The following SLC24A2 variants were observed in gnomAD, a reference collection of about 807,000 sequenced individuals.
SLC24A2 encodes the protein sodium/potassium/calcium exchanger 2.
Under a neutral mutation model 62.0 loss-of-function variants are expected in SLC24A2, and 36 were observed. That is an observed-to-expected ratio of 0.58 (90% CI 0.44 to 0.77). SLC24A2 has a LOEUF of 0.77. SLC24A2 is among the 30% of genes least tolerant of loss of function. The pLI, the probability that SLC24A2 is intolerant of heterozygous loss-of-function variation, is 0.00. For missense variants in SLC24A2, 846 were observed against 817.9 expected (o/e 1.03, Z -0.42); for synonymous variants, 358 against 294.0 (o/e 1.22, Z -2.23).
chr9:20,209,372 G>C, the SLC24A2 span, among the ~76,000 whole-genome samples: 2 of 152,014 alleles, frequency 1.3e-5, no homozygotes, highest in Admixed American at 1.3e-4. Context: ...AAAACTACTT[G>C]GTTTTTTATT....
chr9:19,644,293 A>G (rs1049745485), intron 2 of SLC24A2, among the ~76,000 whole-genome samples: 13 of 152,358 alleles, frequency 8.5e-5, no homozygotes, highest in African/African-American at 3.1e-4. Flanking sequence ...GAATGCAGGT[A>G]GAAGACTGGC....
the SLC24A2 span, among the ~76,000 whole-genome samples, chr9:19,872,220 C>T: frequency 1.1e-3 from 164 of 152,282 alleles, 1 homozygote; most frequent in African/African-American, 3.5e-3. Flanking sequence ...TTTAGAGATT[C>T]AGGCAGTTAC....
chr9:20,165,770 C>T, the SLC24A2 span, among the ~76,000 whole-genome samples: 1 of 151,452 alleles, frequency 6.6e-6, no homozygotes, highest in African/African-American at 2.4e-5. Flanking sequence ...CCACGTGTGA[C>T]AATGAAAAAA....
At chr9:19,780,944 A>G (rs1409435232) in intron 2 of SLC24A2, among the ~76,000 whole-genome samples, 1 of 151,906 alleles carries the variant, frequency 6.6e-6, no homozygotes, top group Non-Finnish European at 1.5e-5. Flanking sequence ...TAGAAAAAAA[A>G]TTCAAAAAAA....
the SLC24A2 span, among the ~76,000 whole-genome samples, chr9:20,260,842 ATTCT>A: frequency 6.6e-3 from 824 of 124,228 alleles, 11 homozygotes; most frequent in East Asian, 0.01. Flanking sequence ...CCAACGTATC[ATTCT>A]TTCTTTTTTT....
chr9:19,619,317 A>G (rs2117888556), intron 4 of SLC24A2, among the ~76,000 whole-genome samples: 1 of 152,324 alleles, frequency 6.6e-6, no homozygotes, highest in African/African-American at 2.4e-5. Context: ...TCTCTGCTTC[A>G]TAACAAACTA....
intron 2 of SLC24A2, among the ~76,000 whole-genome samples, chr9:19,692,507 C>G (rs939451227): frequency 6.6e-6 from 1 of 152,088 alleles, no homozygotes; most frequent in Admixed American, 6.6e-5. Flanking sequence ...TTTAGCTTCA[C>G]TGTGGATAAA....
chr9:19,515,928 G>T lies in SLC24A2; in HGVS notation c.*225C>A, dbSNP rs528584390. 1.9e-5 allele frequency: 11 copies of T among 567,962 alleles called. No homozygotes were observed. Among genetic ancestry groups the T allele is most frequent in the African/African-American group, 1.9e-4 (10 of 53,502 alleles). The allele number at this position is 567,962 out of a possible 1,614,324, so 35.2% of individuals were successfully genotyped here. On this transcript the variant is annotated 3_prime_UTR_variant, in exon 11 of 11. Coordinates refer to ENST00000341998, the MANE Select transcript of SLC24A2 (RefSeq NM_020344.4). The stretch of plus-strand genomic sequence containing the variant: ...GAATAGGGAGAAGCCCTGTATTGAC[G>T]GTTCTCTTTGTCTTTTACATGAAGT...
the SLC24A2 span, among the ~76,000 whole-genome samples, chr9:20,014,150 G>GATCA: frequency 6.6e-6 from 1 of 152,168 alleles, no homozygotes; most frequent in Non-Finnish European, 1.5e-5. Context: ...CAAGGCTGCA[G>GATCA]TGAGCTATGA....
At chr9:19,605,670 T>C (rs1053424580) in intron 4 of SLC24A2, among the ~76,000 whole-genome samples, 5 of 152,212 alleles carry the variant, frequency 3.3e-5, no homozygotes, top group African/African-American at 9.7e-5. Context: ...AAAATTTTGA[T>C]GGCTGCAAGA....
chr9:19,998,404 T>C, the SLC24A2 span, among the ~76,000 whole-genome samples: 33 of 152,322 alleles, frequency 2.2e-4, no homozygotes, highest in African/African-American at 7.9e-4. Context: ...ACCTCTACCC[T>C]CTGTGAGCCT....
At chr9:20,171,462 T>C in the SLC24A2 span, among the ~76,000 whole-genome samples, 1 of 152,010 alleles carries the variant, frequency 6.6e-6, no homozygotes, top group Non-Finnish European at 1.5e-5. Flanking sequence ...GTCTGCTACC[T>C]TCAAGAGACT....
At chr9:20,205,649 T>TAAAAAAAAA in the SLC24A2 span, among the ~76,000 whole-genome samples, 21 of 65,340 alleles carry the variant, frequency 3.2e-4, no homozygotes, top group African/African-American at 1.2e-3. Context: ...AGACTCCATC[T>TAAAAAAAAA]AAAAAAAAAA....
chr9:19,553,543 A>G (rs748617487), intron 7 of SLC24A2, among the ~76,000 whole-genome samples: 2 of 152,192 alleles, frequency 1.3e-5, no homozygotes, highest in African/African-American at 2.4e-5. Flanking sequence ...AATCTGACAC[A>G]AAAACATATG....
intron 2 of SLC24A2, among the ~76,000 whole-genome samples, chr9:19,771,625 C>G (rs899207667): frequency 6.6e-6 from 1 of 152,188 alleles, no homozygotes; most frequent in Non-Finnish European, 1.5e-5. Context: ...CTGACACAAG[C>G]TAGAAACGAG....
the SLC24A2 span, among the ~76,000 whole-genome samples, chr9:20,094,912 C>A: frequency 6.6e-6 from 1 of 151,854 alleles, no homozygotes; most frequent in Non-Finnish European, 1.5e-5. Context: ...TATAATTAAC[C>A]TTTCAAAGTT....
chr9:20,226,830 C>G, the SLC24A2 span, among the ~76,000 whole-genome samples: 2 of 152,174 alleles, frequency 1.3e-5, no homozygotes, highest in African/African-American at 4.8e-5. Context: ...TATTACAACC[C>G]CTACGGGGAA....
chr9:19,665,923 T>C (rs901789465), intron 2 of SLC24A2, among the ~76,000 whole-genome samples: 1 of 152,148 alleles, frequency 6.6e-6, no homozygotes, highest in Admixed American at 6.5e-5. Flanking sequence ...CCTTCCAAAG[T>C]GCTGGGATTA....
the SLC24A2 span, among the ~76,000 whole-genome samples, chr9:20,168,752 G>C: frequency 6.6e-6 from 1 of 152,000 alleles, no homozygotes; most frequent in African/African-American, 2.4e-5. Flanking sequence ...GTGTATTGCT[G>C]GTGGGAATGT....
Sources: allele counts gnomAD v4.1 joint callset (sites outside exome capture counted in the v4.1 genomes callset), GRCh38; gene constraint gnomAD v4.1.1; transcripts MANE v1.5; gene names NCBI Gene and HGNC (gene_info 2026-07-23, HGNC 2026-07-21).